KLRB1: variants seen among roughly 807,000 people sequenced by gnomAD.
The protein encoded by KLRB1 is killer cell lectin-like receptor subfamily B member 1.
In KLRB1, 27 loss-of-function variants were observed where a neutral mutation model predicts 33.5. The observed-to-expected ratio is 0.81, with a 90% CI of 0.59 to 1.11. The LOEUF is 1.11. Among genes scored for constraint, KLRB1 ranks in the 50% most tolerant of loss-of-function variants. KLRB1 has a pLI of 0.00. For synonymous variants in KLRB1, 64 were observed against 88.9 expected, an observed-to-expected ratio of 0.72 and a Z score of 1.58; for missense variants, 241 against 254.1, an observed-to-expected ratio of 0.95 and a Z score of 0.35.
At chr12:9,602,260 A>G (rs746182776) in intron 1 of KLRB1, among the ~76,000 whole-genome samples, 1 of 152,220 alleles carries the variant, frequency 6.6e-6, no homozygotes, top group Non-Finnish European at 1.5e-5. Context: ...CAAGTGTCAG[A>G]TATCTCTGCT....
At chr12:9,597,748 G>A (rs987968936) in intron 5 of KLRB1, among the ~76,000 whole-genome samples, 3 of 152,132 alleles carry the variant, frequency 2.0e-5, no homozygotes, top group Non-Finnish European at 4.4e-5. Flanking sequence ...CTGTGTGCCA[G>A]TGGTCTCCAG....
chr12:9,601,356 G>A, intron 2 of KLRB1, 145 bp downstream of exon 2: 1 of 553,918 alleles, frequency 1.8e-6, no homozygotes, highest in South Asian at 2.1e-5. Flanking sequence ...TTGTCTCTGT[G>A]TCTTTTTCTT....
intron 4 of KLRB1, 142 bp from the exon 5 acceptor site, chr12:9,598,303 T>C (rs1864509902): frequency 1.4e-6 from 1 of 732,900 alleles, no homozygotes; most frequent in African/African-American, 1.8e-5. Context: ...GTGATATTTC[T>C]GTCTATGTTT....
chr12:9,607,347 T>TC (rs1864624347), intron 1 of KLRB1, among the ~76,000 whole-genome samples: 1 of 71,254 alleles, frequency 1.4e-5, no homozygotes, highest in African/African-American at 4.7e-5. Context: ...TTTCTTTCTT[T>TC]CTTTCTTCCT....
intron 1 of KLRB1, among the ~76,000 whole-genome samples, chr12:9,605,697 T>C (rs959176879): frequency 3.3e-5 from 5 of 152,242 alleles, no homozygotes; most frequent in African/African-American, 7.2e-5. Flanking sequence ...TGCTACAGAG[T>C]GACCACAGCC....
intron 5 of KLRB1, among the ~76,000 whole-genome samples, chr12:9,596,179 T>C (rs1864490968): frequency 6.6e-6 from 1 of 152,150 alleles, no homozygotes; most frequent in Non-Finnish European, 1.5e-5. Flanking sequence ...CATGCTGGGC[T>C]CCATCACAGC....
chr12:9,600,994 G>T (rs1159512883), intron 2 of KLRB1, among the ~76,000 whole-genome samples: 37 of 143,486 alleles, frequency 2.6e-4, no homozygotes, highest in Admixed American at 9.5e-4. Context: ...GGAATGTCTC[G>T]GTATAAAACC....
chr12:9,602,743 A>C (rs1295602330), intron 1 of KLRB1, among the ~76,000 whole-genome samples: 2 of 152,018 alleles, frequency 1.3e-5, no homozygotes, highest in African/African-American at 4.8e-5. Flanking sequence ...ATTTTTTCTA[A>C]TATTATTCCA....
chr12:9,607,355 C>CTTTCTTCCTTT (rs1555097796), intron 1 of KLRB1, among the ~76,000 whole-genome samples: 1 of 52,706 alleles, frequency 1.9e-5, no homozygotes, highest in Non-Finnish European at 4.4e-5. Context: ...TTTCTTTCTT[C>CTTTCTTCCTTT]CTTTCTTTCT....
At position 9,598,130 on chromosome 12, in the gene KLRB1, G is replaced by T; in HGVS notation, c.446C>A (p.Ala149Glu). The change falls in exon 5 of 6, where the codon GCA (alanine) becomes GAA (glutamate). Residue 149 changes from alanine to glutamate, a missense_variant. Ala to Glu is a moderately radical substitution (Grantham distance 107). Coordinates refer to ENST00000229402, the MANE Select transcript of KLRB1 (RefSeq NM_002258.3). ...ATTTAATCCAATCCAAAACAGAATTGCTTTGTCACGTATCAGGTTCTGTGT... is the reference window on the plus strand; with the variant it reads ...ATTTAATCCAATCCAAAACAGAATTTCTTTGTCACGTATCAGGTTCTGTGT... ...IHTQNLIRDKAILFWIGLNFS... is the reference protein window; with the variant it reads ...IHTQNLIRDKEILFWIGLNFS... The T allele has an allele frequency of 6.2e-7, 1 of 1,603,788 alleles. No homozygotes were observed. The highest frequency in any genetic ancestry group is 8.5e-7 in the Non-Finnish European group (1 of 1,175,212).
At chr12:9,602,175 C>G (rs1260139564) in intron 1 of KLRB1, among the ~76,000 whole-genome samples, 1 of 152,156 alleles carries the variant, frequency 6.6e-6, no homozygotes, top group East Asian at 1.9e-4. Context: ...GGTTTTGTGA[C>G]TGCATACCTT....
rs535363696 is a variant in KLRB1 at position 9,596,426 on chromosome 12, GTT to G, written c.531-1007_531-1006del. ...TTCCTTTTCCAAAAGGCCCTCAGTG[GTT>G]TTACAGGCCTTCCTTGATGAGACAT... On this transcript the variant is annotated intron_variant, in intron 5 of 5. Transcript: ENST00000229402. 3.4e-3 allele frequency among the ~76,000 whole-genome samples: 520 copies of G among 152,240 alleles called. 3 individuals are homozygous for G. The highest frequency in any genetic ancestry group is 0.031 in the Middle Eastern group (9 of 294).
At chr12:9,606,754 A>ATTT (rs1414913660) in intron 1 of KLRB1, among the ~76,000 whole-genome samples, 1 of 25,418 alleles carries the variant, frequency 3.9e-5, no homozygotes, top group Non-Finnish European at 7.4e-5. Context: ...ATATATATAT[A>ATTT]TATATATTTT....
chr12:9,595,497 A>G (rs1864484399), intron 5 of KLRB1, 76 bp from the exon 6 acceptor site: 2 of 1,309,856 alleles, frequency 1.5e-6, no homozygotes, highest in Non-Finnish European at 2.2e-6. Flanking sequence ...ATTATTTCCT[A>G]GGACTCTCAG....
intron 2 of KLRB1, 54 bp downstream of exon 2, chr12:9,601,447 T>C: frequency 7.6e-7 from 1 of 1,322,520 alleles, no homozygotes; most frequent in Non-Finnish European, 1.1e-6. Flanking sequence ...TGCTCTAAGA[T>C]ACGTAATGGA....
rs1421179655 is a variant in KLRB1, at chr12:9,599,813, T to C, written c.213A>G (p.Ile71Met). 1 of 1,603,592 alleles carries C rather than the reference T, an allele frequency of 6.2e-7. No homozygotes were observed. The highest frequency in any genetic ancestry group is 8.5e-7 in the Non-Finnish European group (1 of 1,170,730). ...SVTSLIQKSS[I>M]EKCSVDIQQS... ...GTTGAATGTCCACACTGCATTTTTC[T>C]ATTGATGATTTCTGTATTAAGGATG... The change falls in exon 3 of 6, where the codon ATA becomes ATG. Residue 71 changes from isoleucine (I) to methionine (M), a missense_variant. Transcript: ENST00000229402.
intron 1 of KLRB1, chr12:9,606,222 C>T (rs1163661364): frequency 6.6e-6 from 1 of 152,104 alleles, no homozygotes; most frequent in Non-Finnish European, 1.5e-5. Context: ...GAATGAATAT[C>T]AGATTGGTAA....
At chr12:9,600,765 G>A (rs1375740243) in intron 2 of KLRB1, among the ~76,000 whole-genome samples, 2 of 151,560 alleles carry the variant, frequency 1.3e-5, no homozygotes, top group Non-Finnish European at 2.9e-5. Context: ...ACTGCGGAAG[G>A]CCGCAGGGAC....
At chr12:9,607,355 C>CTTTCTTTCTTTCTCT (rs1555097796) in intron 1 of KLRB1, among the ~76,000 whole-genome samples, 1 of 52,706 alleles carries the variant, frequency 1.9e-5, no homozygotes, top group African/African-American at 5.2e-5. Flanking sequence ...TTTCTTTCTT[C>CTTTCTTTCTTTCTCT]CTTTCTTTCT....
Sources: allele counts gnomAD v4.1 joint callset (sites outside exome capture counted in the v4.1 genomes callset), GRCh38; gene constraint gnomAD v4.1.1; transcripts MANE v1.5; gene names NCBI Gene and HGNC (gene_info 2026-07-23, HGNC 2026-07-21).